The following DCDC2C variants were observed in gnomAD, a reference collection of about 807,000 sequenced individuals.
The protein encoded by DCDC2C is doublecortin domain-containing protein 2C.
In DCDC2C, 44 loss-of-function variants were observed where a neutral mutation model predicts 45.0. That is an observed-to-expected ratio of 0.98 (90% confidence interval 0.77 to 1.26). DCDC2C has a LOEUF of 1.26. Ranked by LOEUF, DCDC2C falls within the 50% of genes most tolerant of loss-of-function variation. The pLI is 0.00. For missense variants in DCDC2C, 447 were observed against 468.9 expected (o/e 0.95, Z 0.43); for synonymous variants, 187 against 178.8 (o/e 1.05, Z -0.37).
intron 10 of DCDC2C, among the ~76,000 whole-genome samples, chr2:3,807,022 G>C (rs544132258): frequency 1.3e-5 from 2 of 152,194 alleles, no homozygotes; most frequent in South Asian, 2.1e-4. Context: ...GCCCCAGCCA[G>C]CACCTTGGTT....
At position 3,737,190 on chromosome 2, in the gene DCDC2C, G is replaced by A. The variant is rs562988981; in HGVS notation, c.417-4730G>A. 2.8e-4 allele frequency among the ~76,000 whole-genome samples: 43 copies of A among 152,270 alleles called. No homozygotes were observed. The South Asian group carries it at 8.5e-3, about 30-fold the overall frequency. On this transcript the variant is annotated intron_variant, in intron 3 of 10. Transcript: ENST00000399143. ...TCAGAGAGCTCACAGTTCAGTGGGG[G>A]AATGAGAGGTCCAGAGATAGAGCTA...
At position 3,724,837 on chromosome 2, in the gene DCDC2C, C is replaced by A. The variant is rs557352729; in HGVS notation, c.340-2166C>A. On this transcript the variant is annotated intron_variant, in intron 2 of 10. Coordinates refer to ENST00000399143, the MANE Select transcript of DCDC2C (RefSeq NM_001287444.2). ...TGGGCAAGTGGGTAGGCAGCAGACC[C>A]CTGGCAGAGGTGAGGTTCAAGAGCT... 2.0e-5 allele frequency among the ~76,000 whole-genome samples: 3 copies of A among 152,230 alleles called. No homozygotes were observed. In the East Asian group the frequency reaches 5.8e-4, roughly 29 times the overall value.
At chr2:3,724,001 G>T (rs1668566547) in intron 2 of DCDC2C, among the ~76,000 whole-genome samples, 1 of 152,064 alleles carries the variant, frequency 6.6e-6, no homozygotes, top group Non-Finnish European at 1.5e-5. Context: ...GTGTGTGTGT[G>T]GCACTCTCAT....
At chr2:3,728,204 G>A (rs78512677) in intron 3 of DCDC2C, among the ~76,000 whole-genome samples, 3 of 152,190 alleles carry the variant, frequency 2.0e-5, no homozygotes, top group East Asian at 1.9e-4. Context: ...GGCTGGGAAC[G>A]AGAAAGAGGA....
intron 10 of DCDC2C, among the ~76,000 whole-genome samples, chr2:3,831,721 C>T (rs1253294782): frequency 2.0e-5 from 3 of 152,308 alleles, no homozygotes; most frequent in Admixed American, 6.5e-5. Flanking sequence ...TGTGGTGGAA[C>T]GTGTAGAAGT....
At chr2:3,746,184 A>G (rs570987978) in intron 4 of DCDC2C, among the ~76,000 whole-genome samples, 4 of 152,346 alleles carry the variant, frequency 2.6e-5, no homozygotes, top group African/African-American at 9.6e-5. Context: ...GTGAGCAGCT[A>G]CGGTGAGGGC....
At chr2:3,727,366 G>A (rs1236153283) in intron 3 of DCDC2C, among the ~76,000 whole-genome samples, 1 of 152,184 alleles carries the variant, frequency 6.6e-6, no homozygotes, top group Non-Finnish European at 1.5e-5. Context: ...CAGTTCACCT[G>A]GGGATATGAA....
At chr2:3,806,919 T>G (rs1671263923) in intron 10 of DCDC2C, among the ~76,000 whole-genome samples, 1 of 152,020 alleles carries the variant, frequency 6.6e-6, no homozygotes, top group Non-Finnish European at 1.5e-5. Flanking sequence ...TGATTTTCAG[T>G]TGGGTGAGGT....
At chr2:3,717,251 C>T (rs1572554091) in intron 2 of DCDC2C, among the ~76,000 whole-genome samples, 1 of 152,164 alleles carries the variant, frequency 6.6e-6, no homozygotes, top group Non-Finnish European at 1.5e-5. Flanking sequence ...TCAGGACCCA[C>T]ATCTCTAGGA....
intron 4 of DCDC2C, among the ~76,000 whole-genome samples, chr2:3,747,061 G>A (rs906318219): frequency 4.6e-5 from 7 of 152,130 alleles, no homozygotes; most frequent in South Asian, 4.1e-4. Context: ...GGGCTGCAGC[G>A]GTTACAGATG....
At chr2:3,766,955 G>A (rs1477531946) in intron 6 of DCDC2C, among the ~76,000 whole-genome samples, 1 of 152,204 alleles carries the variant, frequency 6.6e-6, no homozygotes, top group Non-Finnish European at 1.5e-5. Context: ...CTCTCGGAAT[G>A]CTGGGCAGTG....
chr2:3,774,940 T>A (rs1205876728), intron 8 of DCDC2C, among the ~76,000 whole-genome samples: 4 of 152,140 alleles, frequency 2.6e-5, no homozygotes, highest in Non-Finnish European at 2.9e-5. Flanking sequence ...TAATTGTTTG[T>A]ATTTAGTAGA....
intron 2 of DCDC2C, among the ~76,000 whole-genome samples, chr2:3,710,353 C>T (rs1668172571): frequency 6.6e-6 from 1 of 152,154 alleles, no homozygotes; most frequent in South Asian, 2.1e-4. Flanking sequence ...TACTCTCCCT[C>T]CCCTCATTCC....
chr2:3,840,908 T>C (rs570078209), intron 10 of DCDC2C, among the ~76,000 whole-genome samples: 42 of 152,326 alleles, frequency 2.8e-4, no homozygotes, highest in African/African-American at 9.9e-4. Flanking sequence ...ACAGGCAGCC[T>C]TCCCCATGTG....
At chr2:3,819,506 C>G (rs761704761) in intron 10 of DCDC2C, among the ~76,000 whole-genome samples, 1 of 152,172 alleles carries the variant, frequency 6.6e-6, no homozygotes, top group African/African-American at 2.4e-5. Context: ...TTATTGTACA[C>G]CTTGAAGGTG....
intron 10 of DCDC2C, among the ~76,000 whole-genome samples, chr2:3,827,815 C>T (rs1323148244): frequency 2.0e-5 from 3 of 152,094 alleles, no homozygotes; most frequent in East Asian, 1.9e-4. Flanking sequence ...TGCATTTGGG[C>T]CCCAGATCGC....
intron 10 of DCDC2C, among the ~76,000 whole-genome samples, chr2:3,797,079 C>A (rs1670977558): frequency 6.6e-6 from 1 of 152,144 alleles, no homozygotes; most frequent in Non-Finnish European, 1.5e-5. Flanking sequence ...GATTCAACTT[C>A]TTCCTGGTTT....
Position 3,752,815 on chromosome 2 carries a change from A to C in DCDC2C, c.598A>C (p.Asn200His), listed in dbSNP as rs1358795839. 1.9e-6 allele frequency: 3 copies of C among 1,550,434 alleles called. No homozygotes were observed. The highest frequency in any genetic ancestry group is 2.0e-5 in the Admixed American group (1 of 50,986). The change falls in exon 5 of 11, where the codon AAT (asparagine) becomes CAT (histidine). Residue 200 changes from asparagine (N) to histidine (H), a missense_variant. Transcript: ENST00000399143. ...GGGCGACTCAAAGGATTTGCAAGAC[A>C]ATCACTTTTATGTTGCTGTGGGACT... ...LLGDSKDLQD[N>H]HFYVAVGLET...
intron 8 of DCDC2C, among the ~76,000 whole-genome samples, chr2:3,772,051 C>T (rs1194107411): frequency 6.6e-6 from 1 of 152,154 alleles, no homozygotes; most frequent in Non-Finnish European, 1.5e-5. Flanking sequence ...ATTGTGTCTG[C>T]AGTATTACAC....
Sources: gnomAD v4.1 joint callset for allele counts (sites outside exome capture counted in the v4.1 genomes callset) on GRCh38, gnomAD v4.1.1 for gene constraint, MANE v1.5 for transcripts, NCBI Gene and HGNC (gene_info 2026-07-23, HGNC 2026-07-21) for gene names.